Variants in DDI1 observed in about 807,000 individuals in gnomAD.
DDI1 encodes protein DDI1 homolog 1.
DDI1 carries 6 observed loss-of-function variants against 7.2 expected under a neutral mutation model. The observed-to-expected ratio is 0.83, with a 90% confidence interval of 0.46 to 1.64. The LOEUF (loss-of-function observed/expected upper bound fraction) is 1.64, where lower values mean the gene tolerates loss of function less well. Among genes scored for constraint, DDI1 ranks in the 40% most tolerant of loss-of-function variants. DDI1 has a pLI of 0.01. For missense variants in DDI1, 502 were observed against 516.6 expected (o/e 0.97, Z 0.27); for synonymous variants, 221 against 201.7 (o/e 1.10, Z -0.81).
At position 104,037,770 on chromosome 11, in the gene DDI1, C is replaced by T. The variant is rs1410906838; in HGVS notation, c.948C>T (p.Cys316=). 3.1e-6 allele frequency: 5 copies of T among 1,614,164 alleles called. No homozygotes were observed. Among genetic ancestry groups the T allele is most frequent in the Non-Finnish European group, 3.4e-6 (4 of 1,180,036 alleles). Reference sequence around the variant, plus strand: ...AAATTGAAGGTGATTTCTTACAGTGCTCTTTCTCCATACTTGAGGATCAAC... The same window carrying T: ...AAATTGAAGGTGATTTCTTACAGTGTTCTTTCTCCATACTTGAGGATCAAC... ...QIQIEGDFLQ[C]SFSILEDQPM... The change falls in exon 1 of 1, where the codon TGC becomes TGT. Residue 316 remains cysteine, a synonymous_variant. Transcript: ENST00000302259.
chr11:104,037,992 T>C lies in DDI1; in HGVS notation c.1170T>C (p.Asp390=). 3 of 1,613,364 alleles carry C rather than the reference T, an allele frequency of 1.9e-6. No homozygotes were observed. The highest frequency in any genetic ancestry group is 1.7e-4 in the Middle Eastern group (1 of 6,060). Residue 390 remains aspartate (D), a synonymous_variant, in exon 1 of 1, where the codon GAT becomes GAC. Transcript: ENST00000302259. ...SDKEITHSVM[D]SGRKEH Reference sequence around the variant, plus strand: ...AGGAAATTACACATTCAGTCATGGATTCAGGACGAAAAGAGCATTAAAGCA... The same window carrying C: ...AGGAAATTACACATTCAGTCATGGACTCAGGACGAAAAGAGCATTAAAGCA...
In DDI1 at chr11:104,036,960, G is replaced by T. The variant is rs1860250185; in HGVS notation, c.138G>T (p.Gln46His). ...CCAGAGTCCCCGTCGAAGAGATCCA[G>T]ATCATCCACATGGAGCGACTCCTCA... ...AESRVPVEEI[Q>H]IIHMERLLIE... is the part of the protein sequence containing the mutation. The change falls in exon 1 of 1, where the codon CAG becomes CAT. Residue 46 changes from glutamine (Q) to histidine (H), a missense_variant. Gln to His is a conservative substitution (Grantham distance 24). Coordinates refer to ENST00000302259, the MANE Select transcript of DDI1 (RefSeq NM_001001711.3). 6.2e-7 allele frequency: 1 copy of T among 1,614,112 alleles called. No homozygotes were observed. The highest frequency in any genetic ancestry group is 8.5e-7 in the Non-Finnish European group (1 of 1,180,032).
chr11:104,037,418 G>A lies in DDI1; in HGVS notation c.596G>A (p.Arg199His). The A allele has an allele frequency of 6.2e-7, 1 of 1,614,082 alleles. No individual in the cohort carries two copies. The highest frequency in any genetic ancestry group is 1.1e-5 in the South Asian group (1 of 91,080). Residue 199 changes from arginine to histidine, a missense_variant, in exon 1 of 1, where the codon CGT becomes CAT. By Grantham distance (29) the Arg-to-His change is conservative (BLOSUM62 0). Transcript: ENST00000302259. ...GCCTTGAGAGAGCAAGAGAGGCTTC[G>A]TCTCTACACAGCCGACCCACTGGAT... ...EKALREQERL[R>H]LYTADPLDRE...
chr11:104,038,365 G>GA lies in DDI1; in HGVS notation c.*357dup, dbSNP rs1308133861. On this transcript the variant is annotated 3_prime_UTR_variant, in exon 1 of 1. Coordinates refer to ENST00000302259, the MANE Select transcript of DDI1 (RefSeq NM_001001711.3). The stretch of plus-strand genomic sequence containing the variant: ...CATTGCTATTTTGCAGAATTCCCTG[G>GA]AAAAATGCTATGGCTGCAGACCTTA... The GA allele has an allele frequency of 4.6e-6, 1 of 217,630 alleles. No individual in the cohort carries two copies. Among genetic ancestry groups the GA allele is most frequent in the African/African-American group, 2.3e-5 (1 of 43,780 alleles). The allele number at this position is 217,630 out of a possible 1,614,324, so 13.5% of individuals were successfully genotyped here.
chr11:104,037,263 C>A lies in DDI1; in HGVS notation c.441C>A (p.Arg147=). Residue 147 remains arginine (R), a synonymous_variant, in exon 1 of 1, where the codon CGC becomes CGA. Transcript: ENST00000302259. ...LQGLGSPALI[R]SMLLSNPHDL... is the part of the protein sequence containing the mutation. ...GTCTGGGCAGCCCCGCCCTGATCCG[C>A]AGCATGCTGCTCTCCAACCCCCACG... is the stretch of plus-strand genomic sequence containing the variant. The A allele has an allele frequency of 6.2e-7, 1 of 1,613,606 alleles. No individual in the cohort carries two copies. Among genetic ancestry groups the A allele is most frequent in the Non-Finnish European group, 8.5e-7 (1 of 1,179,704 alleles).
Position 104,037,965 on chromosome 11 carries a change from C to A in DDI1, c.1143C>A (p.Asp381Glu), listed in dbSNP as rs144680864. 950 of 1,614,002 alleles carry A rather than the reference C, an allele frequency of 5.9e-4. 4 individuals are homozygous for A. Among genetic ancestry groups the A allele is most frequent in the South Asian group, 5.3e-3 (484 of 91,064 alleles). Residue 381 changes from aspartate to glutamate, a missense_variant, in exon 1 of 1, where the codon GAC (aspartate) becomes GAA (glutamate). Coordinates refer to ENST00000302259, the MANE Select transcript of DDI1 (RefSeq NM_001001711.3). Reference sequence around the variant, plus strand: ...TAAGTGGGCAAGATGAGTCTTCGGACAAGGAAATTACACATTCAGTCATGG... The same window carrying A: ...TAAGTGGGCAAGATGAGTCTTCGGAAAAGGAAATTACACATTCAGTCATGG... ...RMVSGQDESSDKEITHSVMDS... is the reference protein window; with the variant it reads ...RMVSGQDESSEKEITHSVMDS...
rs117382829 is a variant in DDI1, at chr11:104,039,043, C to T, written c.*1030C>T. 3 of 167,056 alleles carry T rather than the reference C, an allele frequency of 1.8e-5. No homozygotes were observed. The highest frequency in any genetic ancestry group is 4.4e-5 in the Non-Finnish European group (3 of 68,106). The allele number at this position is 167,056 out of a possible 1,614,324, so 10.3% of individuals were successfully genotyped here. ...CAATGTTAGTGTTTATTACAACTGA[C>T]AGTGGGTAATGGAAGATCCTAGACT... On this transcript the variant is annotated 3_prime_UTR_variant, in exon 1 of 1. Transcript: ENST00000302259.
chr11:104,036,798 A>G lies in DDI1; in HGVS notation c.-25A>G, dbSNP rs1369758864. 1 of 1,591,860 alleles carries G rather than the reference A, an allele frequency of 6.3e-7. No individual in the cohort carries two copies. The highest frequency in any genetic ancestry group is 1.7e-5 in the Admixed American group (1 of 59,384). On this transcript the variant is annotated 5_prime_UTR_variant, in exon 1 of 1. Coordinates refer to ENST00000302259, the MANE Select transcript of DDI1 (RefSeq NM_001001711.3). ...CAGTGAGCCGCCCATGCCCTCTGCT[A>G]GCCCGGCCCGCCCGGGCCCCCGCCA... is the stretch of plus-strand genomic sequence containing the variant.
chr11:104,038,300 G>A lies in DDI1; in HGVS notation c.*287G>A, dbSNP rs1429686434. 2 of 370,342 alleles carry A rather than the reference G, an allele frequency of 5.4e-6. No individual in the cohort carries two copies. The highest frequency in any genetic ancestry group is 2.0e-5 in the African/African-American group (1 of 49,272). 22.9% of individuals were successfully genotyped at this position (370,342 alleles called of 1,614,324 possible). A position where few individuals can be genotyped will look rare whatever the true frequency, so the allele number is the denominator to read the frequency against. Reference sequence around the variant, plus strand: ...AAAAGAAAACCAGCTTCTTCCTTTAGAGACACTATCCTATCAGATTACAGG... The same window carrying A: ...AAAAGAAAACCAGCTTCTTCCTTTAAAGACACTATCCTATCAGATTACAGG... On this transcript the variant is annotated 3_prime_UTR_variant, in exon 1 of 1. Coordinates refer to ENST00000302259, the MANE Select transcript of DDI1 (RefSeq NM_001001711.3).
rs987030327 is a variant in DDI1 at position 104,036,741 on chromosome 11, G to A, written c.-82G>A. 3.7e-6 allele frequency: 4 copies of A among 1,081,052 alleles called. No homozygotes were observed. Among genetic ancestry groups the A allele is most frequent in the Admixed American group, 2.0e-5 (1 of 49,988 alleles). 67.0% of individuals were successfully genotyped at this position (1,081,052 alleles called of 1,614,324 possible). ...TACCTACCAAGTCCTGAGGAGCAGC[G>A]GCACCAACGACGCAGGCCCGCCCCA... On this transcript the variant is annotated 5_prime_UTR_variant, in exon 1 of 1. Coordinates refer to ENST00000302259, the MANE Select transcript of DDI1 (RefSeq NM_001001711.3).
rs1424918946 is a variant in DDI1 at position 104,037,616 on chromosome 11, T to C, written c.794T>C (p.Met265Thr). The C allele has an allele frequency of 6.2e-7, 1 of 1,614,044 alleles. No homozygotes were observed. Among genetic ancestry groups the C allele is most frequent in the South Asian group, 1.1e-5 (1 of 91,060 alleles). ...GCTTTTGTTGACTCGGGCGCCCAGA[T>C]GACCATTATGAGCCAGGCTTGTGCC... ...LKAFVDSGAQ[M>T]TIMSQACAER... Residue 265 changes from methionine to threonine, a missense_variant, in exon 1 of 1, where the codon ATG (methionine) becomes ACG (threonine). Transcript: ENST00000302259.
At position 104,036,869 on chromosome 11, in the gene DDI1, C is replaced by A. The variant is rs767135520; in HGVS notation, c.47C>A (p.Thr16Asn). The change falls in exon 1 of 1, where the codon ACC becomes AAC. Residue 16 changes from threonine to asparagine, a missense_variant. By Grantham distance (65) the Thr-to-Asn change is moderately conservative (BLOSUM62 0). Coordinates refer to ENST00000302259, the MANE Select transcript of DDI1 (RefSeq NM_001001711.3). ...YCVRRDLSEVTFSLQVSPDFE... is the reference protein window; with the variant it reads ...YCVRRDLSEVNFSLQVSPDFE... ...GTGCGGAGGGACCTCTCCGAGGTCA[C>A]CTTCTCTCTCCAGGTCAGCCCCGAC... The A allele has an allele frequency of 5.0e-6, 8 of 1,614,018 alleles. No individual in the cohort carries two copies. The Admixed American group carries it at 1.2e-4, about 24-fold the overall frequency.
Position 104,037,598 on chromosome 11 carries a change from T to C in DDI1, c.776T>C (p.Val259Ala). 1 of 1,614,076 alleles carries C rather than the reference T, an allele frequency of 6.2e-7. No individual in the cohort carries two copies. The highest frequency in any genetic ancestry group is 8.5e-7 in the Non-Finnish European group (1 of 1,180,018). ...AATGGGCATCCTTTGAAGGCTTTTG[T>C]TGACTCGGGCGCCCAGATGACCATT... is the stretch of plus-strand genomic sequence containing the variant. ...KVNGHPLKAF[V>A]DSGAQMTIMS... Residue 259 changes from valine (V) to alanine (A), a missense_variant, in exon 1 of 1, where the codon GTT becomes GCT. Physicochemically the swap from Val to Ala is moderately conservative, Grantham distance 64. Transcript: ENST00000302259.
At position 104,037,186 on chromosome 11, in the gene DDI1, G is replaced by C. The variant is rs1860259914; in HGVS notation, c.364G>C (p.Ala122Pro). The change falls in exon 1 of 1, where the codon GCC becomes CCC. Residue 122 changes from alanine to proline, a missense_variant. Transcript: ENST00000302259. The part of the protein sequence containing the change: ...PGQQQQRTPA[A>P]QRSQGLASGE... Reference sequence around the variant, plus strand: ...ACAGCAGCAGCAGCGCACACCCGCTGCCCAGCGGTCACAGGGCTTGGCGTC... The same window carrying C: ...ACAGCAGCAGCAGCGCACACCCGCTCCCCAGCGGTCACAGGGCTTGGCGTC... 4 of 1,613,566 alleles carry C rather than the reference G, an allele frequency of 2.5e-6. No individual in the cohort carries two copies. In the African/African-American group the frequency reaches 4.0e-5, roughly 16 times the overall value.
At position 104,036,741 on chromosome 11, in the gene DDI1, G is replaced by C; in HGVS notation, c.-82G>C. The C allele has an allele frequency of 9.3e-7, 1 of 1,081,054 alleles. No homozygotes were observed. Among genetic ancestry groups the C allele is most frequent in the South Asian group, 1.4e-5 (1 of 70,964 alleles). 67.0% of individuals were successfully genotyped at this position (1,081,054 alleles called of 1,614,324 possible). A position where few individuals can be genotyped will look rare whatever the true frequency, so the allele number is the denominator to read the frequency against. On this transcript the variant is annotated 5_prime_UTR_variant, in exon 1 of 1. Transcript: ENST00000302259. ...TACCTACCAAGTCCTGAGGAGCAGC[G>C]GCACCAACGACGCAGGCCCGCCCCA... is the stretch of plus-strand genomic sequence containing the variant.
rs888732796 is a variant in DDI1 at position 104,037,506 on chromosome 11, T to C, written c.684T>C (p.Asn228=). 1.2e-6 allele frequency: 2 copies of C among 1,613,978 alleles called. No individual in the cohort carries two copies. Among genetic ancestry groups the C allele is most frequent in the Non-Finnish European group, 1.7e-6 (2 of 1,179,984 alleles). Residue 228 remains asparagine, a synonymous_variant, in exon 1 of 1, where the codon AAT becomes AAC. Transcript: ENST00000302259. Reference sequence around the variant, plus strand: ...AGCAAAACATTGAAGAAAACATGAATATAGCGATAGAAGAGGCCCCCGAGA... The same window carrying C: ...AGCAAAACATTGAAGAAAACATGAACATAGCGATAGAAGAGGCCCCCGAGA... ...IRQQNIEENM[N]IAIEEAPESF... is the part of the protein sequence containing the mutation.
In DDI1 at chr11:104,037,155, C is replaced by T; in HGVS notation, c.333C>T (p.His111=). ...GGACGTCCAGCTCCCGTCCACAGCA[C>T]CCTGGACAGCAGCAGCAGCGCACAC... The part of the protein sequence containing the change: ...VPGTSSSRPQ[H]PGQQQQRTPA... Residue 111 remains histidine (H), a synonymous_variant, in exon 1 of 1, where the codon CAC becomes CAT. Coordinates refer to ENST00000302259, the MANE Select transcript of DDI1 (RefSeq NM_001001711.3). The T allele has an allele frequency of 8.1e-6, 13 of 1,613,758 alleles. No homozygotes were observed. The highest frequency in any genetic ancestry group is 1.1e-5 in the Non-Finnish European group (13 of 1,180,010).
chr11:104,037,432 G>A lies in DDI1; in HGVS notation c.610G>A (p.Asp204Asn), dbSNP rs199967405. 7.4e-6 allele frequency: 12 copies of A among 1,614,076 alleles called. No individual in the cohort carries two copies. In the South Asian group the frequency reaches 7.7e-5, roughly 10 times the overall value. ...AGAGAGGCTTCGTCTCTACACAGCC[G>A]ACCCACTGGATCGGGAAGCTCAGGC... is the stretch of plus-strand genomic sequence containing the variant. ...EQERLRLYTA[D>N]PLDREAQAKI... The change falls in exon 1 of 1, where the codon GAC becomes AAC. Residue 204 changes from aspartate (D) to asparagine (N), a missense_variant. By Grantham distance (23) the Asp-to-Asn change is conservative. Coordinates refer to ENST00000302259, the MANE Select transcript of DDI1 (RefSeq NM_001001711.3).
Position 104,037,978 on chromosome 11 carries a change from C to T in DDI1, c.1156C>T (p.His386Tyr). Reference protein sequence around the residue: ...QDESSDKEITHSVMDSGRKEH With the variant: ...QDESSDKEITYSVMDSGRKEH ...TGAGTCTTCGGACAAGGAAATTACA[C>T]ATTCAGTCATGGATTCAGGACGAAA... The change falls in exon 1 of 1, where the codon CAT becomes TAT. Residue 386 changes from histidine to tyrosine, a missense_variant. His to Tyr is a moderately conservative substitution (Grantham distance 83). Transcript: ENST00000302259. 6.2e-7 allele frequency: 1 copy of T among 1,613,966 alleles called. No homozygotes were observed. The highest frequency in any genetic ancestry group is 8.5e-7 in the Non-Finnish European group (1 of 1,179,912).
Sources: gnomAD v4.1 joint callset for allele counts on GRCh38, gnomAD v4.1.1 for gene constraint, MANE v1.5 for transcripts, NCBI Gene and HGNC (gene_info 2026-07-23, HGNC 2026-07-21) for gene names.